ERBB4: variants seen among roughly 807,000 people sequenced by gnomAD.
ERBB4 encodes erb-b2 receptor tyrosine kinase 4, also known as receptor tyrosine-protein kinase erbB-4.
A neutral mutation model predicts 158.0 loss-of-function variants in ERBB4; 42 were observed. That is an observed-to-expected ratio of 0.27 (90% CI 0.21 to 0.34). The LOEUF (loss-of-function observed/expected upper bound fraction) is 0.34. Among genes scored for constraint, ERBB4 ranks in the 10% least tolerant of loss-of-function variants. ERBB4 has a pLI of 1.00. For synonymous variants in ERBB4, 583 were observed against 558.7 expected, an observed-to-expected ratio of 1.04 and a Z score of -0.61; for missense variants, 1,333 against 1,624.1, an observed-to-expected ratio of 0.82 and a Z score of 3.08.
chr2:211,474,301 G>A (rs756451416), intron 20 of ERBB4, among the ~76,000 whole-genome samples: 3 of 152,028 alleles, frequency 2.0e-5, no homozygotes, highest in Middle Eastern at 3.4e-3. Context: ...AAATACCTAT[G>A]TTCTAAACAT....
chr2:212,412,962 T>G (rs181050402), intron 1 of ERBB4, among the ~76,000 whole-genome samples: 1,995 of 150,186 alleles, frequency 0.013, 17 homozygotes, highest in Middle Eastern at 0.038. Flanking sequence ...TTTCTTTTTG[T>G]TTTTTTTGTT....
intron 3 of ERBB4, among the ~76,000 whole-genome samples, chr2:211,856,687 T>G (rs2077875062): frequency 6.6e-6 from 1 of 152,132 alleles, no homozygotes. Context: ...GCGCCCAGCC[T>G]AGTCTTGTAA....
intron 20 of ERBB4, among the ~76,000 whole-genome samples, chr2:211,453,793 T>C (rs1466320079): frequency 6.6e-6 from 1 of 152,224 alleles, no homozygotes; most frequent in Non-Finnish European, 1.5e-5. Flanking sequence ...ATAGATTCAC[T>C]TGCTGTTTTG....
At chr2:212,176,974 A>T (rs2081683766) in intron 1 of ERBB4, among the ~76,000 whole-genome samples, 2 of 151,932 alleles carry the variant, frequency 1.3e-5, no homozygotes, top group South Asian at 4.1e-4. Flanking sequence ...TTTTCTTTAT[A>T]TACAAATGAA....
chr2:211,637,586 A>G (rs2070407979), intron 16 of ERBB4, among the ~76,000 whole-genome samples: 1 of 151,964 alleles, frequency 6.6e-6, no homozygotes. Flanking sequence ...TTGATCCTAT[A>G]TACTACTTTT....
intron 1 of ERBB4, among the ~76,000 whole-genome samples, chr2:212,299,362 C>T (rs975923885): frequency 6.6e-6 from 1 of 151,632 alleles, no homozygotes; most frequent in African/African-American, 2.4e-5. Context: ...TGATTATCTT[C>T]TCAATTTTAA....
At chr2:211,550,703 T>C (rs1168452342) in intron 20 of ERBB4, among the ~76,000 whole-genome samples, 1 of 120,458 alleles carries the variant, frequency 8.3e-6, no homozygotes, top group Non-Finnish European at 1.6e-5. Flanking sequence ...AGTATATATA[T>C]AGGAATATAT....
At chr2:211,524,924 C>A (rs562092138) in intron 20 of ERBB4, among the ~76,000 whole-genome samples, 56 of 152,304 alleles carry the variant, frequency 3.7e-4, no homozygotes, top group Non-Finnish European at 6.5e-4. Flanking sequence ...GGACTGCCAG[C>A]ACGCTGCCAC....
At chr2:212,286,586 A>G (rs2085970639) in intron 1 of ERBB4, among the ~76,000 whole-genome samples, 1 of 100,676 alleles carries the variant, frequency 9.9e-6, no homozygotes. Flanking sequence ...TGATTACATA[A>G]GTGCTGACTT....
At chr2:212,445,316 G>T (rs2092326241) in intron 1 of ERBB4, among the ~76,000 whole-genome samples, 2 of 152,128 alleles carry the variant, frequency 1.3e-5, no homozygotes, top group African/African-American at 4.8e-5. Flanking sequence ...AGAAGTAAAA[G>T]TGGCAACACT....
chr2:212,287,089 G>A (rs756220781), intron 1 of ERBB4, among the ~76,000 whole-genome samples: 2 of 151,788 alleles, frequency 1.3e-5, no homozygotes, highest in African/African-American at 2.4e-5. Flanking sequence ...GCACAACCTC[G>A]ATCAGCATGT....
chr2:211,538,351 AATAG>A (rs1420497884), intron 20 of ERBB4, among the ~76,000 whole-genome samples: 1 of 151,866 alleles, frequency 6.6e-6, no homozygotes, highest in Non-Finnish European at 1.5e-5. Flanking sequence ...TTCCTTATAC[AATAG>A]ATAGAAAAAT....
chr2:211,609,390 T>C (rs1334415010), intron 19 of ERBB4, among the ~76,000 whole-genome samples: 1 of 152,100 alleles, frequency 6.6e-6, no homozygotes, highest in Non-Finnish European at 1.5e-5. Context: ...CAGGCCTTGC[T>C]GGGTTTCCTC....
At position 211,645,018 on chromosome 2, in the gene ERBB4, A is replaced by G. The variant is rs183759818; in HGVS notation, c.1946+12736T>C. ...AGAGATAGCAGTTATTGGGTCCTAA[A>G]TTCACCCTCTGGCACTGAGTTAGTT... On this transcript the variant is annotated intron_variant, in intron 16 of 27. Transcript: ENST00000342788. Among the ~76,000 whole-genome samples, 430 of 151,904 alleles carry G rather than the reference A, an allele frequency of 2.8e-3. 1 individual carries two copies. The highest frequency in any genetic ancestry group is 9.5e-3 in the African/African-American group (395 of 41,526).
chr2:211,665,179 G>T (rs2071579992), intron 15 of ERBB4, 144 bp downstream of exon 15: 5 of 862,602 alleles, frequency 5.8e-6, no homozygotes, highest in Admixed American at 4.0e-5. Context: ...CATTCTCTCA[G>T]TATTTCTCTT....
At chr2:211,547,977 G>C (rs2066985494) in intron 20 of ERBB4, among the ~76,000 whole-genome samples, 1 of 152,062 alleles carries the variant, frequency 6.6e-6, no homozygotes, top group African/African-American at 2.4e-5. Context: ...TTATAGGTTA[G>C]ACAAGAAAAA....
intron 20 of ERBB4, among the ~76,000 whole-genome samples, chr2:211,545,520 A>T (rs1274877832): frequency 1.3e-5 from 2 of 152,254 alleles, no homozygotes; most frequent in East Asian, 3.9e-4. Context: ...ATATAAAAAT[A>T]GATGGGATAA....
At chr2:212,038,705 G>A (rs528556562) in intron 2 of ERBB4, among the ~76,000 whole-genome samples, 1 of 152,110 alleles carries the variant, frequency 6.6e-6, no homozygotes, top group Non-Finnish European at 1.5e-5. Flanking sequence ...AGTTACAGAG[G>A]AGAAGGTCAG....
intron 2 of ERBB4, among the ~76,000 whole-genome samples, chr2:211,994,291 C>T (rs1372973203): frequency 6.6e-6 from 1 of 151,722 alleles, no homozygotes; most frequent in Admixed American, 6.6e-5. Flanking sequence ...CCACCACACT[C>T]AGCTAATTAA....
Sources: gnomAD v4.1 joint callset for allele counts (sites outside exome capture counted in the v4.1 genomes callset) on GRCh38, gnomAD v4.1.1 for gene constraint, MANE v1.5 for transcripts, NCBI Gene and HGNC (gene_info 2026-07-23, HGNC 2026-07-21) for gene names.